Variants in KIFBP observed in about 807,000 individuals in gnomAD.
KIFBP encodes the protein KIF-binding protein.
KIFBP carries 46 observed loss-of-function variants against 58.9 expected under a neutral mutation model. That is an observed-to-expected ratio of 0.78 (90% CI 0.62 to 1.00). The LOEUF (loss-of-function observed/expected upper bound fraction) is 1.00, where lower values mean the gene tolerates loss of function less well. KIFBP is among the 50% of genes least tolerant of loss of function. The probability of loss-of-function intolerance (pLI) is 0.00; values close to 1 mark genes in which losing one functional copy is unlikely to be tolerated. For missense variants in KIFBP, 651 were observed against 752.9 expected (o/e 0.86, Z 1.58); for synonymous variants, 241 against 283.4 (o/e 0.85, Z 1.50).
intron 5 of KIFBP, among the ~76,000 whole-genome samples, chr10:69,009,240 C>T (rs764676640): frequency 2.0e-5 from 3 of 151,940 alleles, no homozygotes; most frequent in South Asian, 2.1e-4. Context: ...TGGTGGCCCA[C>T]GCCTGTAATG....
At chr10:69,007,793 G>T (rs1163972541) in intron 4 of KIFBP, 8 of 152,166 alleles carry the variant, frequency 5.3e-5, no homozygotes, top group Admixed American at 3.3e-4. Flanking sequence ...AATGAGGGTG[G>T]CTTCCAACTA....
chr10:68,990,576 A>G (rs1843331303), intron 1 of KIFBP, among the ~76,000 whole-genome samples: 3 of 152,188 alleles, frequency 2.0e-5, no homozygotes, highest in Admixed American at 2.0e-4. Context: ...ATTCTAAAGT[A>G]ATATTGGTCA....
At chr10:69,008,780 G>A in intron 4 of KIFBP, 61 bp from the exon 5 acceptor site, 1 of 1,225,654 alleles carries the variant, frequency 8.2e-7, no homozygotes, top group South Asian at 1.2e-5. Context: ...AATTATGCAA[G>A]TATCAGTTGC....
At position 69,015,836 on chromosome 10, in the gene KIFBP, T is replaced by A; in HGVS notation, c.1286T>A (p.Leu429Gln). The change falls in exon 7 of 7, where the codon CTG (leucine) becomes CAG (glutamine). Residue 429 changes from leucine (L) to glutamine (Q), a missense_variant. Physicochemically the swap from Leu to Gln is moderately radical, Grantham distance 113 (BLOSUM62 -2). Transcript: ENST00000361983. ...HIEVVQDHSA[L>Q]FKVLAFFETD... ...GAAGTTGTCCAAGACCACAGTGCTC[T>A]GTTTAAGGTGCTTGCATTCTTTGAA... 1 of 1,614,218 alleles carries A rather than the reference T, an allele frequency of 6.2e-7. No homozygotes were observed. The highest frequency in any genetic ancestry group is 8.5e-7 in the Non-Finnish European group (1 of 1,180,038).
chr10:69,000,319 A>G (rs899585442), intron 1 of KIFBP, 105 bp from the exon 2 acceptor site: 6 of 763,838 alleles, frequency 7.9e-6, no homozygotes, highest in Admixed American at 3.6e-5. Context: ...TGGTAATCCA[A>G]CTCTACTATT....
chr10:68,989,022 G>A lies in KIFBP; in HGVS notation c.190G>A (p.Glu64Lys), dbSNP rs935579771. 8 of 1,613,842 alleles carry A rather than the reference G, an allele frequency of 5.0e-6. No homozygotes were observed. The Admixed American group carries it at 5.0e-5, about 10-fold the overall frequency. Residue 64 changes from glutamate (E) to lysine (K), a missense_variant, in exon 1 of 7, where the codon GAG becomes AAG. By Grantham distance (56) the Glu-to-Lys change is moderately conservative (BLOSUM62 1). Coordinates refer to ENST00000361983, the MANE Select transcript of KIFBP (RefSeq NM_015634.4). The stretch of plus-strand genomic sequence containing the variant: ...GGACGAGGATGAGCGGCCTGAGGCC[G>A]AGGACGGCCCGGGTGCCGGTGACCA... ...PEDEDERPEA[E>K]DGPGAGDHAL...
chr10:68,999,399 A>G (rs983527042), intron 1 of KIFBP, among the ~76,000 whole-genome samples: 19 of 133,934 alleles, frequency 1.4e-4, no homozygotes, highest in African/African-American at 5.0e-4. Context: ...TGCCTGGCCT[A>G]TTTCTTTTTT....
intron 6 of KIFBP, chr10:69,011,389 C>A: frequency 1.1e-5 from 1 of 89,468 alleles, no homozygotes; most frequent in Non-Finnish European, 2.2e-5. Flanking sequence ...GGAACGATAT[C>A]ATATTCTTTT....
At chr10:68,997,296 G>C (rs1251457435) in intron 1 of KIFBP, among the ~76,000 whole-genome samples, 1 of 152,180 alleles carries the variant, frequency 6.6e-6, no homozygotes, top group African/African-American at 2.4e-5. Context: ...GTTTGGCTCT[G>C]TGTCCCCACC....
intron 2 of KIFBP, 66 bp from the exon 3 acceptor site, chr10:69,004,980 C>G: frequency 8.7e-7 from 1 of 1,149,638 alleles, no homozygotes; most frequent in Non-Finnish European, 1.3e-6. Flanking sequence ...TCCAGGTCCT[C>G]CAGAAGAGGG....
chr10:69,012,162 A>AC (rs1475353315), intron 6 of KIFBP, among the ~76,000 whole-genome samples: 4 of 152,034 alleles, frequency 2.6e-5, no homozygotes, highest in African/African-American at 9.7e-5. Context: ...GTAGGTATGA[A>AC]CTCCAGCTCT....
intron 5 of KIFBP, among the ~76,000 whole-genome samples, chr10:69,009,386 C>T (rs1843568795): frequency 1.3e-5 from 2 of 152,008 alleles, no homozygotes; most frequent in African/African-American, 2.4e-5. Context: ...TTTATCTACA[C>T]TGCATATTTC....
intron 1 of KIFBP, among the ~76,000 whole-genome samples, chr10:68,992,866 G>A (rs1283308759): frequency 6.6e-6 from 1 of 152,028 alleles, no homozygotes; most frequent in Non-Finnish European, 1.5e-5. Context: ...TTTCCATTAA[G>A]GAAGGTTATT....
intron 1 of KIFBP, among the ~76,000 whole-genome samples, chr10:68,995,044 G>C (rs368876567): frequency 6.6e-6 from 1 of 151,642 alleles, no homozygotes; most frequent in African/African-American, 2.4e-5. Context: ...TTGAAGACGG[G>C]GTCTGGCTCT....
At chr10:69,005,687 AC>A in intron 3 of KIFBP, 44 bp from the exon 4 acceptor site, 3 of 1,461,542 alleles carry the variant, frequency 2.1e-6, no homozygotes, top group Non-Finnish European at 2.9e-6. Flanking sequence ...AAAAAAAAAA[AC>A]AAGTAAACCA....
intron 2 of KIFBP, among the ~76,000 whole-genome samples, chr10:69,002,893 C>A (rs1734661996): frequency 6.7e-6 from 1 of 149,624 alleles, no homozygotes; most frequent in Admixed American, 6.7e-5. Flanking sequence ...CAAATAAGAC[C>A]CTGTCTCAAA....
At chr10:68,994,315 G>A (rs2491023) in intron 1 of KIFBP, among the ~76,000 whole-genome samples, 56,611 of 151,806 alleles carry the variant, frequency 0.37, 11,652 homozygotes, top group Non-Finnish European at 0.49. Flanking sequence ...ATACAAATAC[G>A]TATGTATGTG....
chr10:68,990,930 T>C (rs1014117560), intron 1 of KIFBP, among the ~76,000 whole-genome samples: 11 of 151,994 alleles, frequency 7.2e-5, no homozygotes, highest in African/African-American at 2.4e-4. Flanking sequence ...TTAACAAAAA[T>C]TGGCAATATG....
chr10:69,008,391 A>AAAATATATATATAT, intron 4 of KIFBP, among the ~76,000 whole-genome samples: 3 of 71,590 alleles, frequency 4.2e-5, no homozygotes, highest in African/African-American at 1.6e-4. Context: ...AAAAAAAAAA[A>AAAATATATATATAT]ATATATATAT....
Sources: gnomAD v4.1 joint callset for allele counts (sites outside exome capture counted in the v4.1 genomes callset) on GRCh38, gnomAD v4.1.1 for gene constraint, MANE v1.5 for transcripts, NCBI Gene and HGNC (gene_info 2026-07-23, HGNC 2026-07-21) for gene names.